NR2F1-AS1: variants seen among roughly 807,000 people sequenced by gnomAD.
NR2F1-AS1 encodes NR2F1 regulatory antisense RNA 1, also known as NR2F1 antisense RNA 1.
chr5:93,462,562 C>CAGTTT lies in NR2F1-AS1; in HGVS notation n.639-67021_639-67020insAAACT, dbSNP rs1283840383. 4.7e-4 allele frequency among the ~76,000 whole-genome samples: 71 copies of CAGTTT among 152,214 alleles called. 2 individuals carry two copies. The East Asian group carries it at 0.011, about 23-fold the overall frequency. On this transcript the variant is annotated intron_variant and non_coding_transcript_variant, in intron 4 of 5. Coordinates refer to ENST00000660523, the Ensembl canonical transcript of NR2F1-AS1. ...TGAAGGCAACTTTGGAACTGGGTAA[C>CAGTTT]CGGCAGAAGTTGGGACAGTTTGGAG...
intron 4 of NR2F1-AS1, among the ~76,000 whole-genome samples, chr5:93,428,895 A>G (rs1185578763): frequency 6.6e-6 from 1 of 152,184 alleles, no homozygotes; most frequent in African/African-American, 2.4e-5. Flanking sequence ...CAATTTTTAA[A>G]AATTCTCTCT....
chr5:93,420,758 C>A (rs762626836), intron 4 of NR2F1-AS1, among the ~76,000 whole-genome samples: 19 of 151,976 alleles, frequency 1.3e-4, no homozygotes, highest in Admixed American at 1.2e-3. Flanking sequence ...TATCACAGGA[C>A]CAATTCTGTA....
chr5:93,497,317 G>A (rs1357422399), intron 4 of NR2F1-AS1, among the ~76,000 whole-genome samples: 2 of 152,278 alleles, frequency 1.3e-5, no homozygotes, highest in Admixed American at 6.5e-5. Context: ...CTGTGTGAAA[G>A]GCAAATCTTC....
rs1752964984 is a variant in NR2F1-AS1 at position 93,579,275 on chromosome 5, ACCACCAACAGCTTC to A, written n.313+1178_313+1191del. Among the ~76,000 whole-genome samples, 1 of 152,078 alleles carries A rather than the reference ACCACCAACAGCTTC, an allele frequency of 6.6e-6. No individual in the cohort carries two copies. ...GCGGGCTTCCGCTGCTCCGGGCATC[ACCACCAACAGCTTC>A]CCACTCCCACCCCTGGGACTAGGAC... On this transcript the variant is annotated intron_variant and non_coding_transcript_variant, in intron 1 of 5. Coordinates refer to ENST00000660523, the Ensembl canonical transcript of NR2F1-AS1. The surrounding 1 kb of genome is among the most constrained non-coding windows in gnomAD (Gnocchi z 5.1).
chr5:93,571,213 CAGCGGGGGACCT>C (rs1321104269), intron 1 of NR2F1-AS1: 1 of 151,990 alleles, frequency 6.6e-6, no homozygotes, highest in Non-Finnish European at 1.5e-5. Context: ...CGGGCACTCC[CAGCGGGGGACCT>C]AGCGCCAGGT....
upstream of NR2F1-AS1, chr5:93,583,427 T>C (rs1753163520): frequency 6.6e-6 from 1 of 151,746 alleles, no homozygotes; most frequent in African/African-American, 2.4e-5. Context: ...CATATTCTAC[T>C]AGTTGTTTTC....
At chr5:93,452,349 G>A (rs998012254) in intron 4 of NR2F1-AS1, among the ~76,000 whole-genome samples, 1 of 152,074 alleles carries the variant, frequency 6.6e-6, no homozygotes, top group East Asian at 1.9e-4. Flanking sequence ...GATAATAGAA[G>A]GAAAACAAAC....
At chr5:93,501,792 T>C (rs1014669365) in intron 4 of NR2F1-AS1, among the ~76,000 whole-genome samples, 3 of 152,256 alleles carry the variant, frequency 2.0e-5, no homozygotes, top group Non-Finnish European at 2.9e-5. Flanking sequence ...TTGAGAGAAC[T>C]AACTCCAATT....
At chr5:93,460,534 A>G (rs563958997) in intron 4 of NR2F1-AS1, among the ~76,000 whole-genome samples, 3 of 152,288 alleles carry the variant, frequency 2.0e-5, no homozygotes, top group Non-Finnish European at 2.9e-5. Context: ...AATGAAGGAC[A>G]ACATTTCTAC....
intron 4 of NR2F1-AS1, chr5:93,409,423 G>A (rs879315255): frequency 1.3e-5 from 2 of 152,168 alleles, no homozygotes; most frequent in African/African-American, 2.4e-5. Context: ...CAACCCCTAA[G>A]TAGCACCAAT....
At chr5:93,480,859 T>C (rs1750585724) in intron 4 of NR2F1-AS1, among the ~76,000 whole-genome samples, 1 of 151,788 alleles carries the variant, frequency 6.6e-6, no homozygotes, top group Non-Finnish European at 1.5e-5. Context: ...ACTAAGAAAA[T>C]AATTTAAAAT....
chr5:93,550,664 C>G (rs1752205424), intron 4 of NR2F1-AS1, among the ~76,000 whole-genome samples: 1 of 152,124 alleles, frequency 6.6e-6, no homozygotes, highest in South Asian at 2.1e-4. Context: ...ACTGTGGATT[C>G]CACCCTGAAA....
chr5:93,560,770 T>A (rs1034309469), intron 2 of NR2F1-AS1, among the ~76,000 whole-genome samples: 1 of 152,220 alleles, frequency 6.6e-6, no homozygotes, highest in Non-Finnish European at 1.5e-5. Context: ...ACCTAACAAA[T>A]CACCAAATTC....
At chr5:93,576,767 C>T (rs1277976559) in intron 1 of NR2F1-AS1, among the ~76,000 whole-genome samples, 1 of 152,142 alleles carries the variant, frequency 6.6e-6, no homozygotes, top group Admixed American at 6.5e-5. Context: ...GAAATAGGTG[C>T]TCTGACAGGT....
chr5:93,471,597 T>C (rs1426441489), intron 4 of NR2F1-AS1, among the ~76,000 whole-genome samples: 1 of 151,880 alleles, frequency 6.6e-6, no homozygotes, highest in African/African-American at 2.4e-5. Context: ...ATAACTTACA[T>C]TTTTCATATT....
At chr5:93,418,307 T>C (rs1749010480) in intron 4 of NR2F1-AS1, among the ~76,000 whole-genome samples, 1 of 152,006 alleles carries the variant, frequency 6.6e-6, no homozygotes, top group Admixed American at 6.6e-5. Context: ...CTCCATAAAG[T>C]ATAAAAGAAT....
At chr5:93,472,622 T>C (rs557838519) in intron 4 of NR2F1-AS1, among the ~76,000 whole-genome samples, 3 of 151,950 alleles carry the variant, frequency 2.0e-5, no homozygotes, top group Non-Finnish European at 3.0e-5. Context: ...GAAAAATCTG[T>C]GGGTTGTTTT....
chr5:93,452,647 C>T (rs1330450623), intron 4 of NR2F1-AS1, among the ~76,000 whole-genome samples: 1 of 152,126 alleles, frequency 6.6e-6, no homozygotes. Context: ...CATCAGGAAG[C>T]AGTATACCAA....
chr5:93,480,306 A>C (rs1750574724), intron 4 of NR2F1-AS1, among the ~76,000 whole-genome samples: 1 of 152,178 alleles, frequency 6.6e-6, no homozygotes, highest in Non-Finnish European at 1.5e-5. Context: ...CATCCTCAAT[A>C]AGATTAACAA....
Sources: allele counts gnomAD v4.1 joint callset (sites outside exome capture counted in the v4.1 genomes callset), GRCh38; gene constraint gnomAD v4.1.1; non-coding constraint Gnocchi (gnomAD v3.1); transcripts MANE v1.5; gene names NCBI Gene and HGNC (gene_info 2026-07-23, HGNC 2026-07-21).